The following ARHGAP17 variants were observed in gnomAD, a reference collection of about 807,000 sequenced individuals.
ARHGAP17 encodes rho GTPase-activating protein 17.
A neutral mutation model predicts 99.5 loss-of-function variants in ARHGAP17; 57 were observed. That is an observed-to-expected ratio of 0.57 (90% confidence interval 0.46 to 0.71). The LOEUF (loss-of-function observed/expected upper bound fraction) is 0.71, where lower values mean the gene tolerates loss of function less well. ARHGAP17 is among the 30% of genes least tolerant of loss of function. The pLI, the probability that ARHGAP17 is intolerant of heterozygous loss-of-function variation, is 0.00. For synonymous variants in ARHGAP17, 417 were observed against 429.6 expected, an observed-to-expected ratio of 0.97 and a Z score of 0.36; for missense variants, 1,000 against 1,122.4, an observed-to-expected ratio of 0.89 and a Z score of 1.56.
chr16:24,931,197 T>A lies in ARHGAP17; in HGVS notation c.2102A>T (p.Tyr701Phe), dbSNP rs992040690. 62 of 1,581,050 alleles carry A rather than the reference T, an allele frequency of 3.9e-5. No homozygotes were observed. The highest frequency in any genetic ancestry group is 1.7e-4 in the Middle Eastern group (1 of 5,904). ...TTGGATTGGAGACAAGCTGCTGGAG[T>A]ACCTCCGGGGTGCTGAGAGCTGGGA... ...APSQLSAPRRYSSSLSPIQAP... is the reference protein window; with the variant it reads ...APSQLSAPRRFSSSLSPIQAP... Residue 701 changes from tyrosine (Y) to phenylalanine (F), a missense_variant, in exon 19 of 20, where the codon TAC (tyrosine) becomes TTC (phenylalanine). Physicochemically the swap from Tyr to Phe is conservative, Grantham distance 22. Around this residue, in one of 2 missense-constraint regions of ARHGAP17, gnomAD observed 528 missense variants for 511.4 expected, o/e 1.03. Coordinates refer to ENST00000289968, the MANE Select transcript of ARHGAP17 (RefSeq NM_001006634.3).
chr16:24,995,126 T>C (rs145662260), intron 1 of ARHGAP17, among the ~76,000 whole-genome samples: 1 of 152,278 alleles, frequency 6.6e-6, no homozygotes, highest in East Asian at 1.9e-4. Flanking sequence ...TAGAACAGCA[T>C]AAGGGTAATG....
At chr16:24,988,068 T>G (rs1318366245) in intron 1 of ARHGAP17, among the ~76,000 whole-genome samples, 2 of 152,202 alleles carry the variant, frequency 1.3e-5, no homozygotes, top group African/African-American at 4.8e-5. Flanking sequence ...TACAAGTGTT[T>G]ACAAAATCCA....
At chr16:24,976,278 G>C (rs966065769) in intron 3 of ARHGAP17, among the ~76,000 whole-genome samples, 1 of 152,206 alleles carries the variant, frequency 6.6e-6, no homozygotes, top group African/African-American at 2.4e-5. Context: ...TGTAATTCCA[G>C]CACTTTGGAA....
At chr16:24,941,102 T>C (rs577216857) in intron 16 of ARHGAP17, among the ~76,000 whole-genome samples, 1 of 152,310 alleles carries the variant, frequency 6.6e-6, no homozygotes, top group South Asian at 2.1e-4. Flanking sequence ...AAGGACAGAA[T>C]AGGGACAGAA....
chr16:24,927,846 T>C (rs1567205835), intron 19 of ARHGAP17: 1 of 325,088 alleles, frequency 3.1e-6, no homozygotes, highest in South Asian at 3.2e-5. Flanking sequence ...TACTGCTCTC[T>C]AGAGTCACAA....
At chr16:24,932,137 G>T (rs2051011508) in intron 18 of ARHGAP17, among the ~76,000 whole-genome samples, 1 of 151,760 alleles carries the variant, frequency 6.6e-6, no homozygotes, top group East Asian at 1.9e-4. Flanking sequence ...GGGGGGGATG[G>T]GGGGACTAGC....
intron 14 of ARHGAP17, among the ~76,000 whole-genome samples, chr16:24,945,444 A>C (rs1199534829): frequency 6.6e-6 from 1 of 152,186 alleles, no homozygotes; most frequent in Admixed American, 6.5e-5. Flanking sequence ...ACCACCTGCA[A>C]AAGGCCTGAC....
rs547042804 is a variant in ARHGAP17 at position 24,995,880 on chromosome 16, T to G, written c.54-16875A>C. On this transcript the variant is annotated intron_variant, in intron 1 of 19. Coordinates refer to ENST00000289968, the MANE Select transcript of ARHGAP17 (RefSeq NM_001006634.3). ...AAACTGCACTCACTTTACTTCTCTA[T>G]AGACCAACTTTTTCTTCTCTTTTTT... is the stretch of plus-strand genomic sequence containing the variant. Among the ~76,000 whole-genome samples the G allele has an allele frequency of 3.9e-5, 6 of 152,320 alleles. No homozygotes were observed. In the South Asian group the frequency reaches 1.2e-3, roughly 32 times the overall value.
In ARHGAP17 at chr16:25,015,248, A is replaced by T; in HGVS notation, c.14T>A (p.Phe5Tyr). MKKQ[F>Y]NRMKQLANQT... ...GTTAGCCAGCTGCTTCATGCGGTTG[A>T]ACTGCTTCTTCATGGCGGCGGTGGC... The change falls in exon 1 of 20, where the codon TTC (phenylalanine) becomes TAC (tyrosine). Residue 5 changes from phenylalanine to tyrosine, a missense_variant. By Grantham distance (22) the Phe-to-Tyr change is conservative. Transcript: ENST00000289968. 7.4e-7 allele frequency: 1 copy of T among 1,357,522 alleles called. No homozygotes were observed. Among genetic ancestry groups the T allele is most frequent in the South Asian group, 1.8e-5 (1 of 54,140 alleles). The allele number at this position is 1,357,522 out of a possible 1,614,324, so 84.1% of individuals were successfully genotyped here. A position where few individuals can be genotyped will look rare whatever the true frequency, so the allele number is the denominator to read the frequency against.
chr16:24,966,481 A>T (rs1042526187), intron 6 of ARHGAP17, among the ~76,000 whole-genome samples: 3 of 152,094 alleles, frequency 2.0e-5, no homozygotes, highest in African/African-American at 7.2e-5. Flanking sequence ...AAAAATACAA[A>T]AATTAGCCAG....
In ARHGAP17 at chr16:25,002,079, TA is replaced by T. The variant is rs758109158; in HGVS notation, c.53+13129del. 1.0e-2 allele frequency among the ~76,000 whole-genome samples: 1,291 copies of T among 129,340 alleles called. 3 individuals are homozygous for T. The highest frequency in any genetic ancestry group is 0.012 in the Non-Finnish European group (735 of 60,188). 84.9% of individuals were successfully genotyped at this position (129,340 alleles called of 152,430 possible). A position where few individuals can be genotyped will look rare whatever the true frequency, so the allele number is the denominator to read the frequency against. On this transcript the variant is annotated intron_variant, in intron 1 of 19. Coordinates refer to ENST00000289968, the MANE Select transcript of ARHGAP17 (RefSeq NM_001006634.3). ...CTGGGTGACAGAGCGAGACTCCATC[TA>T]AAAAAAAAAAAAATGTTGATGCAAA...
At chr16:25,000,370 A>G (rs2053328307) in intron 1 of ARHGAP17, among the ~76,000 whole-genome samples, 1 of 152,184 alleles carries the variant, frequency 6.6e-6, no homozygotes, top group South Asian at 2.1e-4. Flanking sequence ...CACATCTGCA[A>G]ATAACATTTC....
chr16:24,999,921 A>ACACTGTATGTCCT (rs2053313100), intron 1 of ARHGAP17, among the ~76,000 whole-genome samples: 1 of 152,192 alleles, frequency 6.6e-6, no homozygotes, highest in African/African-American at 2.4e-5. Context: ...CTGCTGTGTC[A>ACACTGTATGTCCT]CACTGTATGT....
chr16:25,010,816 C>CTG (rs1156378489), intron 1 of ARHGAP17, among the ~76,000 whole-genome samples: 1 of 152,258 alleles, frequency 6.6e-6, no homozygotes, highest in Non-Finnish European at 1.5e-5. Flanking sequence ...TCCCCTGAGG[C>CTG]CTTCACATGG....
At chr16:24,969,802 A>G (rs1019979108) in intron 4 of ARHGAP17, among the ~76,000 whole-genome samples, 1 of 152,168 alleles carries the variant, frequency 6.6e-6, no homozygotes, top group Non-Finnish European at 1.5e-5. Context: ...GACAGGAGAA[A>G]GGAATGGTGA....
At chr16:24,979,040 C>T in intron 1 of ARHGAP17, 35 bp from the exon 2 acceptor site, 1 of 1,484,810 alleles carries the variant, frequency 6.7e-7, no homozygotes, top group Non-Finnish European at 9.2e-7. Flanking sequence ...AGTTAGAAAT[C>T]CAAAAATGAA....
intron 9 of ARHGAP17, chr16:24,955,000 C>CG: frequency 2.5e-6 from 1 of 405,234 alleles, no homozygotes; most frequent in South Asian, 3.8e-5. Flanking sequence ...TGGCACGCTG[C>CG]ACCTGCACCA....
chr16:24,948,676 G>C (rs8062011), intron 13 of ARHGAP17, among the ~76,000 whole-genome samples: 47,644 of 151,572 alleles, frequency 0.31, 8,420 homozygotes, highest in Non-Finnish European at 0.42. Context: ...CTTAGTAGGA[G>C]AGCCCAAGGC....
intron 2 of ARHGAP17, among the ~76,000 whole-genome samples, chr16:24,978,292 T>C (rs749057428): frequency 1.2e-4 from 18 of 152,228 alleles, no homozygotes; most frequent in Non-Finnish European, 1.6e-4. Flanking sequence ...TTTCTCCCAG[T>C]GCCTGGGACG....
Sources: allele counts gnomAD v4.1 joint callset (sites outside exome capture counted in the v4.1 genomes callset), GRCh38; gene constraint gnomAD v4.1.1; regional missense constraint gnomAD v4.1.1; transcripts MANE v1.5; gene names NCBI Gene and HGNC (gene_info 2026-07-23, HGNC 2026-07-21).